Variants in SLC24A2 observed in about 807,000 individuals in gnomAD.
SLC24A2 encodes the protein sodium/potassium/calcium exchanger 2.
In SLC24A2, 36 loss-of-function variants were observed where a neutral mutation model predicts 62.0. The ratio of observed to expected loss-of-function variants is 0.58; its 90% confidence interval spans 0.44 to 0.77. SLC24A2 has a LOEUF of 0.77. Ranked by LOEUF, SLC24A2 falls within the 30% of genes least tolerant of loss-of-function variation. The pLI, the probability that SLC24A2 is intolerant of heterozygous loss-of-function variation, is 0.00. For missense variants in SLC24A2, 846 were observed against 817.9 expected (o/e 1.03, Z -0.42); for synonymous variants, 358 against 294.0 (o/e 1.22, Z -2.23).
the SLC24A2 span, among the ~76,000 whole-genome samples, chr9:20,108,647 A>G: frequency 6.8e-6 from 1 of 147,374 alleles, no homozygotes; most frequent in East Asian, 2.2e-4. Flanking sequence ...GAATTGAACA[A>G]TGAGAACACA....
At chr9:19,959,891 G>C in the SLC24A2 span, among the ~76,000 whole-genome samples, 1 of 152,176 alleles carries the variant, frequency 6.6e-6, no homozygotes, top group South Asian at 2.1e-4. Context: ...AAAATTCAGG[G>C]AGGCTACCCT....
intron 2 of SLC24A2, among the ~76,000 whole-genome samples, chr9:19,666,765 A>C (rs1819267844): frequency 2.0e-5 from 3 of 152,206 alleles, no homozygotes; most frequent in Non-Finnish European, 4.4e-5. Flanking sequence ...AATGCAGGAC[A>C]TCTTGTCCTT....
chr9:19,723,737 A>T (rs1821094020), intron 2 of SLC24A2, among the ~76,000 whole-genome samples: 4 of 152,102 alleles, frequency 2.6e-5, no homozygotes, highest in Non-Finnish European at 5.9e-5. Flanking sequence ...AGTAATAATT[A>T]ATAATAGAAG....
the SLC24A2 span, among the ~76,000 whole-genome samples, chr9:20,192,346 G>C: frequency 1.3e-5 from 2 of 151,974 alleles, no homozygotes; most frequent in Non-Finnish European, 1.5e-5. Context: ...TGTAGACAAG[G>C]GGCAGCCAGT....
chr9:19,972,014 TGGCTC>T, the SLC24A2 span, among the ~76,000 whole-genome samples: 2 of 152,330 alleles, frequency 1.3e-5, no homozygotes, highest in Admixed American at 1.3e-4. Context: ...GCCACAAATC[TGGCTC>T]AAGAACTCTA....
the SLC24A2 span, among the ~76,000 whole-genome samples, chr9:19,887,220 T>C: frequency 2.0e-5 from 3 of 152,184 alleles, no homozygotes; most frequent in Non-Finnish European, 4.4e-5. Context: ...TTAAAAAGTG[T>C]TTGTTCATGT....
At chr9:20,176,613 A>G in the SLC24A2 span, among the ~76,000 whole-genome samples, 6 of 152,130 alleles carry the variant, frequency 3.9e-5, no homozygotes, top group African/African-American at 1.4e-4. Context: ...TGCCAACCAT[A>G]GACACCGATG....
the SLC24A2 span, among the ~76,000 whole-genome samples, chr9:19,883,166 A>G: frequency 1.3e-5 from 2 of 152,244 alleles, no homozygotes; most frequent in African/African-American, 2.4e-5. Context: ...CTGCTAGAAC[A>G]TTAATTAGGA....
At chr9:20,014,860 C>G in the SLC24A2 span, among the ~76,000 whole-genome samples, 1 of 151,970 alleles carries the variant, frequency 6.6e-6, no homozygotes, top group Non-Finnish European at 1.5e-5. Context: ...TTATATATTT[C>G]AAAATAACAG....
chr9:19,529,413 T>G (rs994031072), intron 8 of SLC24A2, among the ~76,000 whole-genome samples: 1 of 152,230 alleles, frequency 6.6e-6, no homozygotes, highest in African/African-American at 2.4e-5. Flanking sequence ...TTTTCTTTAC[T>G]AATTTCAAGT....
At chr9:19,977,704 A>G in the SLC24A2 span, among the ~76,000 whole-genome samples, 1 of 152,194 alleles carries the variant, frequency 6.6e-6, no homozygotes, top group Admixed American at 6.6e-5. Context: ...AGGCAATTGT[A>G]TCTCCTGTCT....
chr9:19,954,017 C>T, the SLC24A2 span, among the ~76,000 whole-genome samples: 1 of 151,742 alleles, frequency 6.6e-6, no homozygotes, highest in African/African-American at 2.4e-5. Context: ...ACCGTAGTTC[C>T]CTGAGGTGCC....
the SLC24A2 span, among the ~76,000 whole-genome samples, chr9:20,180,754 T>C: frequency 3.9e-5 from 6 of 152,284 alleles, no homozygotes; most frequent in Non-Finnish European, 7.4e-5. Flanking sequence ...CTCCAAGCCA[T>C]GTAGGTTTGC....
At chr9:20,068,640 G>T in the SLC24A2 span, among the ~76,000 whole-genome samples, 1 of 152,156 alleles carries the variant, frequency 6.6e-6, no homozygotes, top group Non-Finnish European at 1.5e-5. Flanking sequence ...AAGTGATTCA[G>T]TGGTATTCCC....
the SLC24A2 span, among the ~76,000 whole-genome samples, chr9:20,148,984 C>T: frequency 3.3e-5 from 5 of 152,024 alleles, no homozygotes; most frequent in Non-Finnish European, 7.4e-5. Context: ...TGGCAAAACT[C>T]GGGGGGTTTT....
the SLC24A2 span, among the ~76,000 whole-genome samples, chr9:19,865,090 AC>A: frequency 6.6e-6 from 1 of 152,128 alleles, no homozygotes; most frequent in Non-Finnish European, 1.5e-5. Context: ...TACAGTAGCG[AC>A]AAATGAATTA....
At chr9:19,630,904 C>G (rs1000414400) in intron 2 of SLC24A2, among the ~76,000 whole-genome samples, 2 of 152,106 alleles carry the variant, frequency 1.3e-5, no homozygotes, top group Non-Finnish European at 2.9e-5. Context: ...CCAAGAGAGG[C>G]CAAGAGGAAG....
chr9:19,660,049 A>G (rs2118231386), intron 2 of SLC24A2, among the ~76,000 whole-genome samples: 1 of 152,304 alleles, frequency 6.6e-6, no homozygotes, highest in Middle Eastern at 3.4e-3. Flanking sequence ...CAGATGCAAA[A>G]GAAAGAGAAA....
the SLC24A2 span, among the ~76,000 whole-genome samples, chr9:19,899,027 C>T: frequency 6.6e-6 from 1 of 152,166 alleles, no homozygotes; most frequent in Non-Finnish European, 1.5e-5. Flanking sequence ...ACAGGCACCG[C>T]TAATGCTGCT....
Sources: allele counts gnomAD v4.1 joint callset (sites outside exome capture counted in the v4.1 genomes callset), GRCh38; gene constraint gnomAD v4.1.1; transcripts MANE v1.5; gene names NCBI Gene and HGNC (gene_info 2026-07-23, HGNC 2026-07-21).